Variants in PTPRN2 observed in about 807,000 individuals in gnomAD.
The protein encoded by PTPRN2 is protein tyrosine phosphatase receptor type N2, also known as receptor-type tyrosine-protein phosphatase N2.
Under a neutral mutation model 118.8 loss-of-function variants are expected in PTPRN2, and 74 were observed. That is an observed-to-expected ratio of 0.62 (90% CI 0.52 to 0.76). PTPRN2 has a LOEUF of 0.76. PTPRN2 is among the 30% of genes least tolerant of loss of function. PTPRN2 has a pLI of 0.00. For missense variants in PTPRN2, 1,481 were observed against 1,394.4 expected (o/e 1.06, Z -0.99); for synonymous variants, 641 against 608.0 (o/e 1.05, Z -0.80).
intron 12 of PTPRN2, among the ~76,000 whole-genome samples, chr7:157,878,819 G>T (rs540100936): frequency 1.9e-5 from 2 of 103,190 alleles, no homozygotes; most frequent in African/African-American, 7.8e-5. Context: ...GGAAGGGTCA[G>T]TGTGATACCG....
At chr7:158,062,832 G>C (rs569263282) in intron 11 of PTPRN2, among the ~76,000 whole-genome samples, 5 of 152,214 alleles carry the variant, frequency 3.3e-5, no homozygotes, top group Non-Finnish European at 2.9e-5. Flanking sequence ...GGGATCTGCA[G>C]CCCACCATGC....
chr7:158,317,367 C>T (rs1324689569), intron 2 of PTPRN2, among the ~76,000 whole-genome samples: 3 of 152,252 alleles, frequency 2.0e-5, no homozygotes, highest in Non-Finnish European at 2.9e-5. Flanking sequence ...CTACAAGGAT[C>T]GGCGGAGACG....
intron 6 of PTPRN2, among the ~76,000 whole-genome samples, chr7:158,146,345 C>T (rs1819995685): frequency 6.6e-6 from 1 of 152,182 alleles, no homozygotes; most frequent in South Asian, 2.1e-4. Context: ...CCGTCCATCC[C>T]TCCACCCACT....
intron 11 of PTPRN2, among the ~76,000 whole-genome samples, chr7:157,928,118 C>G (rs926187646): frequency 2.0e-5 from 3 of 152,272 alleles, no homozygotes; most frequent in African/African-American, 7.2e-5. Flanking sequence ...TGTGAATTCA[C>G]ACGTTTAACT....
chr7:157,812,101 G>A (rs1436952449), intron 12 of PTPRN2, among the ~76,000 whole-genome samples: 1 of 152,174 alleles, frequency 6.6e-6, no homozygotes, highest in Non-Finnish European at 1.5e-5. Context: ...TTATCAACCC[G>A]GCATCCCTCG....
At chr7:157,921,470 T>C (rs1465653501) in intron 11 of PTPRN2, among the ~76,000 whole-genome samples, 1 of 152,248 alleles carries the variant, frequency 6.6e-6, no homozygotes, top group Non-Finnish European at 1.5e-5. Context: ...ATATGGTTTA[T>C]ACCATCTGAA....
intron 11 of PTPRN2, among the ~76,000 whole-genome samples, chr7:158,013,399 T>G (rs971426824): frequency 1.3e-5 from 2 of 152,030 alleles, no homozygotes; most frequent in African/African-American, 4.8e-5. Flanking sequence ...CTTCCATTCA[T>G]CCATCCATTT....
At chr7:157,547,761 TC>T (rs1217724718) in intron 22 of PTPRN2, among the ~76,000 whole-genome samples, 1 of 150,992 alleles carries the variant, frequency 6.6e-6, no homozygotes, top group Non-Finnish European at 1.5e-5. Context: ...TGAGGGACAG[TC>T]CTGCCCCCTG....
At chr7:157,937,110 GA>G (rs1799757018) in intron 11 of PTPRN2, among the ~76,000 whole-genome samples, 1 of 152,118 alleles carries the variant, frequency 6.6e-6, no homozygotes, top group South Asian at 2.1e-4. Context: ...AAGCCCTCCG[GA>G]CCCCTGAACA....
chr7:158,193,148 A>G (rs933515058), intron 4 of PTPRN2, among the ~76,000 whole-genome samples: 3 of 152,208 alleles, frequency 2.0e-5, no homozygotes, highest in Non-Finnish European at 4.4e-5. Context: ...GGACAAACAC[A>G]TGGGACGCTT....
chr7:158,264,054 A>T (rs921045784), intron 3 of PTPRN2, among the ~76,000 whole-genome samples: 2 of 152,148 alleles, frequency 1.3e-5, no homozygotes, highest in African/African-American at 2.4e-5. Context: ...CCAGTGCAGG[A>T]CTTTGGAGCG....
chr7:157,985,828 C>G (rs1432816182), intron 11 of PTPRN2, among the ~76,000 whole-genome samples: 1 of 152,134 alleles, frequency 6.6e-6, no homozygotes, highest in South Asian at 2.1e-4. Flanking sequence ...GCCCACCTGG[C>G]TGACGAGACC....
chr7:157,779,908 G>A lies in PTPRN2; in HGVS notation c.1789-96971C>T, dbSNP rs551271998. ...TGATACCATCGACGTACAACACGCC[G>A]CAAGCAGCCCTCGAGGAATGGAAAA... On this transcript the variant is annotated intron_variant, in intron 12 of 22. Transcript: ENST00000389418. The surrounding 1 kb of genome is among the most constrained non-coding windows in gnomAD (Gnocchi z 4.7). Among the ~76,000 whole-genome samples, 34 of 152,234 alleles carry A rather than the reference G, an allele frequency of 2.2e-4. No homozygotes were observed. The highest frequency in any genetic ancestry group is 7.5e-4 in the African/African-American group (31 of 41,524).
At chr7:157,837,863 T>C (rs1037205465) in intron 12 of PTPRN2, among the ~76,000 whole-genome samples, 38 of 152,354 alleles carry the variant, frequency 2.5e-4, no homozygotes, top group Admixed American at 2.5e-3. Context: ...CTGCCCAGCA[T>C]AGGACACACA....
intron 14 of PTPRN2, among the ~76,000 whole-genome samples, chr7:157,639,389 G>A (rs1804533706): frequency 6.6e-6 from 1 of 152,200 alleles, no homozygotes; most frequent in Non-Finnish European, 1.5e-5. Context: ...AATTGTCAAT[G>A]TGATGTGAGA....
chr7:157,980,484 G>T (rs2128827909), intron 11 of PTPRN2, among the ~76,000 whole-genome samples: 1 of 152,350 alleles, frequency 6.6e-6, no homozygotes, highest in East Asian at 1.9e-4. Flanking sequence ...GGGCACGGTG[G>T]CTCACACCTG....
intron 11 of PTPRN2, among the ~76,000 whole-genome samples, chr7:157,993,106 A>C (rs1225862161): frequency 6.6e-6 from 1 of 152,124 alleles, no homozygotes; most frequent in Admixed American, 6.5e-5. Flanking sequence ...GCCTCTATTG[A>C]GGTGTGAGCT....
chr7:157,641,568 G>A (rs1250953351), intron 14 of PTPRN2, among the ~76,000 whole-genome samples: 1 of 152,178 alleles, frequency 6.6e-6, no homozygotes, highest in Non-Finnish European at 1.5e-5. Flanking sequence ...GGAAGCCAGA[G>A]TTCACAGGAT....
chr7:158,276,292 CCCCCACA>C (rs1798975307), intron 3 of PTPRN2, among the ~76,000 whole-genome samples: 2 of 69,116 alleles, frequency 2.9e-5, no homozygotes, highest in African/African-American at 8.3e-5. Flanking sequence ...TAAGGCAGCA[CCCCCACA>C]CCCCGGCCCC....
Sources: allele counts gnomAD v4.1 joint callset (sites outside exome capture counted in the v4.1 genomes callset), GRCh38; gene constraint gnomAD v4.1.1; non-coding constraint Gnocchi (gnomAD v3.1); transcripts MANE v1.5; gene names NCBI Gene and HGNC (gene_info 2026-07-23, HGNC 2026-07-21).